PPFIA2: variants seen among roughly 807,000 people sequenced by gnomAD.
PPFIA2 encodes the protein PPFI scaffold protein A2, also known as liprin-alpha-2.
Under a neutral mutation model 175.5 loss-of-function variants are expected in PPFIA2, and 46 were observed. The observed-to-expected ratio is 0.26, with a 90% CI of 0.21 to 0.34. PPFIA2 has a LOEUF of 0.34. PPFIA2 is among the 10% of genes least tolerant of loss of function. PPFIA2 has a pLI of 1.00. For missense variants in PPFIA2, 1,179 were observed against 1,506.1 expected, an observed-to-expected ratio of 0.78 and a Z score of 3.60; for synonymous variants, 568 against 511.4, an observed-to-expected ratio of 1.11 and a Z score of -1.49.
At chr12:81,591,233 T>C (rs4403878) in intron 4 of PPFIA2, among the ~76,000 whole-genome samples, 6,645 of 152,184 alleles carry the variant, frequency 0.044, 202 homozygotes, top group South Asian at 0.076. Flanking sequence ...AGAGATGATT[T>C]AGGATATCTG....
intron 8 of PPFIA2, among the ~76,000 whole-genome samples, chr12:81,401,612 A>G (rs756917137): frequency 1.3e-5 from 2 of 152,332 alleles, no homozygotes; most frequent in Middle Eastern, 3.4e-3. Context: ...TTTATTACAG[A>G]CTATATCTTC....
intron 23 of PPFIA2, among the ~76,000 whole-genome samples, chr12:81,296,407 GCACAGGTCTCGTGCACATCTCAAGCA>G (rs1307354553): frequency 6.6e-6 from 1 of 152,218 alleles, no homozygotes; most frequent in Admixed American, 6.5e-5. Context: ...TATTTACACA[GCACAGGTCTCGTGCACATCTCAAGCA>G]CTGGGTGAAT....
intron 12 of PPFIA2, 23 bp downstream of exon 12, chr12:81,369,088 G>T (rs568021024): frequency 2.0e-6 from 3 of 1,536,936 alleles, no homozygotes; most frequent in Non-Finnish European, 2.7e-6. Flanking sequence ...TGATTGGGGG[G>T]TAATAGTTCT....
chr12:81,479,663 T>C (rs1474510155), intron 4 of PPFIA2, among the ~76,000 whole-genome samples: 2 of 152,216 alleles, frequency 1.3e-5, no homozygotes, highest in Non-Finnish European at 2.9e-5. Flanking sequence ...GTAAAGGATT[T>C]TATTTTTCCT....
intron 4 of PPFIA2, among the ~76,000 whole-genome samples, chr12:81,637,997 ACAG>A (rs1175292631): frequency 1.3e-5 from 2 of 150,982 alleles, no homozygotes; most frequent in Non-Finnish European, 2.9e-5. Context: ...TTGCTCAGTC[ACAG>A]AAGAAGAAAA....
intron 4 of PPFIA2, among the ~76,000 whole-genome samples, chr12:81,646,904 G>A (rs566953707): frequency 6.6e-6 from 1 of 151,894 alleles, no homozygotes; most frequent in South Asian, 2.1e-4. Flanking sequence ...AAGGTGGGGG[G>A]AGGGAAGCAG....
At chr12:81,746,173 T>G (rs2083040524) in intron 3 of PPFIA2, among the ~76,000 whole-genome samples, 1 of 144,456 alleles carries the variant, frequency 6.9e-6, no homozygotes, top group African/African-American at 2.4e-5. Context: ...CTGAATGGCA[T>G]AGCGGGAGTG....
chr12:81,380,784 A>G lies in PPFIA2; in HGVS notation c.984+3239T>C, dbSNP rs555012016. On this transcript the variant is annotated intron_variant, in intron 9 of 32. Transcript: ENST00000549396. ...ACCTTGTGGGTCTCATCTGAGAAAAATGGAGATAATAATTAGCATTGCCCC... is the reference window on the plus strand; with the variant it reads ...ACCTTGTGGGTCTCATCTGAGAAAAGTGGAGATAATAATTAGCATTGCCCC... Among the ~76,000 whole-genome samples, 3 of 152,246 alleles carry G rather than the reference A, an allele frequency of 2.0e-5. No individual in the cohort carries two copies. The East Asian group carries it at 5.8e-4, about 29-fold the overall frequency.
At chr12:81,487,939 C>T (rs1197583876) in intron 4 of PPFIA2, among the ~76,000 whole-genome samples, 2 of 151,876 alleles carry the variant, frequency 1.3e-5, no homozygotes, top group Non-Finnish European at 2.9e-5. Flanking sequence ...TTATGTTTAA[C>T]ATCTGCATTT....
At chr12:81,686,516 C>T (rs149961096) in intron 3 of PPFIA2, among the ~76,000 whole-genome samples, 5 of 152,076 alleles carry the variant, frequency 3.3e-5, no homozygotes, top group African/African-American at 4.8e-5. Flanking sequence ...ATGGCTGAGG[C>T]GATAAAGGGA....
intron 4 of PPFIA2, among the ~76,000 whole-genome samples, chr12:81,522,841 T>C (rs990880471): frequency 1.3e-5 from 2 of 152,170 alleles, no homozygotes; most frequent in African/African-American, 4.8e-5. Flanking sequence ...ACAGAGACAA[T>C]ATTGTGTATT....
intron 4 of PPFIA2, among the ~76,000 whole-genome samples, chr12:81,513,647 A>C (rs2062059060): frequency 1.3e-5 from 2 of 152,008 alleles, no homozygotes; most frequent in East Asian, 3.8e-4. Flanking sequence ...TCACCATACT[A>C]AGAAATTAAT....
chr12:81,679,311 A>AT (rs1461841079), intron 3 of PPFIA2, among the ~76,000 whole-genome samples: 19 of 151,914 alleles, frequency 1.3e-4, no homozygotes, highest in Non-Finnish European at 2.5e-4. Flanking sequence ...GAGTTAATAC[A>AT]TGTCTTTCTT....
intron 28 of PPFIA2, among the ~76,000 whole-genome samples, chr12:81,275,978 G>T (rs1269034327): frequency 1.3e-5 from 2 of 151,860 alleles, no homozygotes; most frequent in East Asian, 3.9e-4. Context: ...TAGAAACAGG[G>T]TTTCACCATG....
At chr12:81,445,511 A>G (rs1247346246) in intron 6 of PPFIA2, 45 bp downstream of exon 6, 1 of 1,566,940 alleles carries the variant, frequency 6.4e-7, no homozygotes, top group Admixed American at 1.8e-5. Flanking sequence ...CTTGATGCTG[A>G]TGACAGAAGT....
At chr12:81,676,619 C>T (rs2072559317) in intron 4 of PPFIA2, 172 bp downstream of exon 4, 2 of 395,172 alleles carry the variant, frequency 5.1e-6, no homozygotes, top group Non-Finnish European at 8.9e-6. Flanking sequence ...TTAATAAAAA[C>T]ACCAGCCCAC....
chr12:81,663,018 A>C (rs2069256945), intron 4 of PPFIA2, among the ~76,000 whole-genome samples: 1 of 152,070 alleles, frequency 6.6e-6, no homozygotes, highest in Non-Finnish European at 1.5e-5. Context: ...CATGCTAAAA[A>C]CTCTCAATAA....
At chr12:81,374,505 A>G in intron 11 of PPFIA2, 129 bp downstream of exon 11, 1 of 1,032,984 alleles carries the variant, frequency 9.7e-7, no homozygotes, top group African/African-American at 1.6e-5. Context: ...TTGACTTAAT[A>G]ACAGCTCAAT....
intron 3 of PPFIA2, among the ~76,000 whole-genome samples, chr12:81,718,669 G>A (rs1367588697): frequency 6.6e-6 from 1 of 151,588 alleles, no homozygotes; most frequent in Non-Finnish European, 1.5e-5. Flanking sequence ...TAAAATGTAT[G>A]GAAAGTGACT....
Sources: gnomAD v4.1 joint callset for allele counts (sites outside exome capture counted in the v4.1 genomes callset) on GRCh38, gnomAD v4.1.1 for gene constraint, MANE v1.5 for transcripts, NCBI Gene and HGNC (gene_info 2026-07-23, HGNC 2026-07-21) for gene names.